Variants in FRZB observed in about 807,000 individuals in gnomAD.
The protein encoded by FRZB is secreted frizzled-related protein 3.
Under a neutral mutation model 32.5 loss-of-function variants are expected in FRZB, and 34 were observed. The ratio of observed to expected loss-of-function variants is 1.05; its 90% CI spans 0.80 to 1.39. FRZB has a LOEUF of 1.39. Among genes scored for constraint, FRZB ranks in the 40% most tolerant of loss-of-function variants. The pLI is 0.00. For synonymous variants in FRZB, 170 were observed against 159.2 expected (o/e 1.07, Z -0.51); for missense variants, 423 against 424.8 (o/e 1.00, Z 0.04).
intron 2 of FRZB, among the ~76,000 whole-genome samples, chr2:182,852,499 A>T (rs1228427633): frequency 1.3e-5 from 2 of 152,194 alleles, no homozygotes. Context: ...CCAAGAAATA[A>T]TTTGGTCACA....
rs750098722 is a variant in FRZB, at chr2:182,837,899, T to C, written c.861+49A>G. On this transcript the variant is annotated intron_variant, in intron 5 of 5. Transcript: ENST00000295113. ...CAATGACAGATGGCTGGTTTTCTAC[T>C]TTTGTTTTGTTTTCTGTGTATTACT... 8 of 1,448,612 alleles carry C rather than the reference T, an allele frequency of 5.5e-6. No homozygotes were observed. The African/African-American group carries it at 9.9e-5, about 18-fold the overall frequency. 89.7% of individuals were successfully genotyped at this position (1,448,612 alleles called of 1,614,324 possible).
chr2:182,856,958 T>G (rs950047540), intron 2 of FRZB, among the ~76,000 whole-genome samples: 4 of 152,034 alleles, frequency 2.6e-5, no homozygotes, highest in African/African-American at 9.7e-5. Context: ...ATTAATCAAC[T>G]AAATTGAATT....
Position 182,834,052 on chromosome 2 carries a change from A to G in FRZB, c.*797T>C, listed in dbSNP as rs1695496617. On this transcript the variant is annotated 3_prime_UTR_variant, in exon 6 of 6. Coordinates refer to ENST00000295113, the MANE Select transcript of FRZB (RefSeq NM_001463.4). ...TTATTTAAAAGGAAGCAAATTAAAC[A>G]AAACTATGGTGATAACAGCAGATGT... is the stretch of plus-strand genomic sequence containing the variant. 6.6e-6 allele frequency: 1 copy of G among 152,212 alleles called. No individual in the cohort carries two copies. The highest frequency in any genetic ancestry group is 2.4e-5 in the African/African-American group (1 of 41,468). 9.4% of individuals were successfully genotyped at this position (152,212 alleles called of 1,614,324 possible).
intron 3 of FRZB, among the ~76,000 whole-genome samples, chr2:182,840,408 G>A (rs1695575225): frequency 6.6e-6 from 1 of 151,974 alleles, no homozygotes; most frequent in South Asian, 2.1e-4. Flanking sequence ...CATTAGAAAT[G>A]TTTAGCACAT....
At chr2:182,846,872 C>A (rs1449284627) in intron 2 of FRZB, among the ~76,000 whole-genome samples, 1 of 152,150 alleles carries the variant, frequency 6.6e-6, no homozygotes, top group Non-Finnish European at 1.5e-5. Context: ...ATCCATCACA[C>A]CATGAATTTG....
chr2:182,851,067 GT>G (rs1400668933), intron 2 of FRZB, among the ~76,000 whole-genome samples: 1 of 152,040 alleles, frequency 6.6e-6, no homozygotes, highest in Non-Finnish European at 1.5e-5. Flanking sequence ...ATTATTTGTT[GT>G]TTTTTGTTTT....
intron 2 of FRZB, among the ~76,000 whole-genome samples, chr2:182,850,082 A>T (rs1302158981): frequency 2.0e-5 from 3 of 152,244 alleles, no homozygotes; most frequent in Non-Finnish European, 4.4e-5. Flanking sequence ...TGTGCCTGAT[A>T]CGAGTAAGTG....
chr2:182,834,946 C>T lies in FRZB; in HGVS notation c.881G>A (p.Arg294His), dbSNP rs146454508. 5.6e-5 allele frequency: 91 copies of T among 1,612,436 alleles called. No individual in the cohort carries two copies. The highest frequency in any genetic ancestry group is 1.7e-4 in the African/African-American group (13 of 74,912). ...KKVKRWDMKL[R>H]HLGLSKSDSS... The stretch of plus-strand genomic sequence containing the variant: ...ATCACTTTTACTGAGTCCAAGATGA[C>T]GAAGCTTCATATCCCAGCGCTGTGA... The change falls in exon 6 of 6, where the codon CGT becomes CAT. Residue 294 changes from arginine (R) to histidine (H), a missense_variant. Coordinates refer to ENST00000295113, the MANE Select transcript of FRZB (RefSeq NM_001463.4).
At chr2:182,848,617 GAACAAC>G (rs3029493) in intron 2 of FRZB, among the ~76,000 whole-genome samples, 1 of 151,754 alleles carries the variant, frequency 6.6e-6, no homozygotes, top group African/African-American at 2.4e-5. Flanking sequence ...GGAAGAAAAC[GAACAAC>G]AACAACAACA....
intron 1 of FRZB, among the ~76,000 whole-genome samples, chr2:182,859,837 A>G (rs2105763749): frequency 6.6e-6 from 1 of 152,340 alleles, no homozygotes; most frequent in East Asian, 1.9e-4. Context: ...ACAGATAAGC[A>G]AGTAACAAAC....
At position 182,834,843 on chromosome 2, in the gene FRZB, C is replaced by T. The variant is rs745442967; in HGVS notation, c.*6G>A. The T allele has an allele frequency of 1.6e-5, 25 of 1,602,922 alleles. No individual in the cohort carries two copies. The highest frequency in any genetic ancestry group is 6.7e-5 in the East Asian group (3 of 44,838). ...GTCCACTGTGTTACTTTTTGTATTTCGGGATTTAGTTGCGTGCTTGCCGGG... is the reference window on the plus strand; with the variant it reads ...GTCCACTGTGTTACTTTTTGTATTTTGGGATTTAGTTGCGTGCTTGCCGGG... On this transcript the variant is annotated 3_prime_UTR_variant, in exon 6 of 6. Transcript: ENST00000295113.
intron 1 of FRZB, among the ~76,000 whole-genome samples, chr2:182,864,914 A>T (rs1472275088): frequency 6.6e-6 from 1 of 152,178 alleles, no homozygotes; most frequent in African/African-American, 2.4e-5. Flanking sequence ...ACTCATGAAA[A>T]AAAATTGCCT....
rs190492934 is a variant in FRZB, at chr2:182,857,479, G to A, written c.526+1307C>T. Among the ~76,000 whole-genome samples the A allele has an allele frequency of 1.4e-3, 220 of 151,974 alleles. 1 individual carries two copies. Among genetic ancestry groups the A allele is most frequent in the Non-Finnish European group, 1.4e-3 (97 of 67,940 alleles). Reference sequence around the variant, plus strand: ...TACTAATAATACAAAAATTAGCTGGGTGTGGTGGTGCACACCTGTAATCCT... The same window carrying A: ...TACTAATAATACAAAAATTAGCTGGATGTGGTGGTGCACACCTGTAATCCT... On this transcript the variant is annotated intron_variant, in intron 2 of 5. Coordinates refer to ENST00000295113, the MANE Select transcript of FRZB (RefSeq NM_001463.4).
intron 5 of FRZB, 39 bp downstream of exon 5, chr2:182,837,909 T>C: frequency 5.9e-6 from 9 of 1,529,564 alleles, no homozygotes; most frequent in Non-Finnish European, 8.1e-6. Flanking sequence ...TTTTGTTTTG[T>C]TTTCTGTGTA....
In FRZB at chr2:182,866,494, G is replaced by C. The variant is rs2058912406; in HGVS notation, c.59C>G (p.Ala20Gly). ...GGGCACCCGGAGCAGGCAGAGAGCAGCCAGGGCAAGCAGCCCGGCCCGCAG... is the reference window on the plus strand; with the variant it reads ...GGGCACCCGGAGCAGGCAGAGAGCACCCAGGGCAAGCAGCCCGGCCCGCAG... ...LLLRAGLLAL[A>G]ALCLLRVPGA... Residue 20 changes from alanine (A) to glycine (G), a missense_variant, in exon 1 of 6, where the codon GCT (alanine) becomes GGT (glycine). Transcript: ENST00000295113. The surrounding 1 kb of genome is among the most constrained non-coding windows in gnomAD (Gnocchi z 4.5). The C allele has an allele frequency of 6.5e-7, 1 of 1,528,312 alleles. No individual in the cohort carries two copies. The highest frequency in any genetic ancestry group is 8.8e-7 in the Non-Finnish European group (1 of 1,137,998). 94.7% of individuals were successfully genotyped at this position (1,528,312 alleles called of 1,614,324 possible).
intron 2 of FRZB, among the ~76,000 whole-genome samples, chr2:182,858,252 A>T (rs1695792202): frequency 6.6e-6 from 1 of 152,216 alleles, no homozygotes; most frequent in Non-Finnish European, 1.5e-5. Flanking sequence ...GACAACCCAA[A>T]CTTCCTTGAA....
At chr2:182,840,428 C>G (rs1333263620) in intron 3 of FRZB, among the ~76,000 whole-genome samples, 2 of 151,992 alleles carry the variant, frequency 1.3e-5, no homozygotes, top group African/African-American at 4.8e-5. Context: ...TGTACCCACT[C>G]CAAAATAAAT....
At position 182,834,948 on chromosome 2, in the gene FRZB, A is replaced by C; in HGVS notation, c.879T>G (p.Leu293=). The change falls in exon 6 of 6, where the codon CTT becomes CTG. Residue 293 remains leucine (L), a synonymous_variant. Coordinates refer to ENST00000295113, the MANE Select transcript of FRZB (RefSeq NM_001463.4). ...GKKVKRWDMK[L]RHLGLSKSDS... is the part of the protein sequence containing the mutation. ...CACTTTTACTGAGTCCAAGATGACG[A>C]AGCTTCATATCCCAGCGCTGTGAAA... 6.2e-7 allele frequency: 1 copy of C among 1,612,256 alleles called. No individual in the cohort carries two copies. Among genetic ancestry groups the C allele is most frequent in the South Asian group, 1.1e-5 (1 of 91,042 alleles).
intron 2 of FRZB, among the ~76,000 whole-genome samples, chr2:182,854,358 A>G (rs568493062): frequency 5.9e-5 from 9 of 152,344 alleles, no homozygotes; most frequent in African/African-American, 2.2e-4. Context: ...AACAGAGTGC[A>G]TGAAGCAGCA....
Sources: allele counts gnomAD v4.1 joint callset (sites outside exome capture counted in the v4.1 genomes callset), GRCh38; gene constraint gnomAD v4.1.1; non-coding constraint Gnocchi (gnomAD v3.1); transcripts MANE v1.5; gene names NCBI Gene and HGNC (gene_info 2026-07-23, HGNC 2026-07-21).